CNTNAP2: variants seen among roughly 807,000 people sequenced by gnomAD.
CNTNAP2 encodes contactin associated protein 2, also known as contactin-associated protein-like 2.
Under a neutral mutation model 155.2 loss-of-function variants are expected in CNTNAP2, and 98 were observed. The observed-to-expected ratio is 0.63, with a 90% CI of 0.54 to 0.75. The LOEUF (loss-of-function observed/expected upper bound fraction) is 0.75. Ranked by LOEUF, CNTNAP2 falls within the 30% of genes least tolerant of loss-of-function variation. The pLI is 0.00. For missense variants in CNTNAP2, 1,727 were observed against 1,688.1 expected (o/e 1.02, Z -0.40); for synonymous variants, 651 against 631.2 (o/e 1.03, Z -0.47).
chr7:148,365,698 GTATACTTTTATATATA>G lies in CNTNAP2; in HGVS notation c.3476-17949_3476-17934del, dbSNP rs1554424936. ...TTGAGATGTATATATATGTATATAT[GTATACTTTTATATATA>G]TGTATACGTGTATATATGTATGTGT... On this transcript the variant is annotated intron_variant, in intron 21 of 23. Transcript: ENST00000361727. Among the ~76,000 whole-genome samples the G allele has an allele frequency of 9.7e-5, 12 of 123,738 alleles. 1 individual carries two copies. Among genetic ancestry groups the G allele is most frequent in the African/African-American group, 3.4e-4 (12 of 34,784 alleles). 81.2% of individuals were successfully genotyped at this position (123,738 alleles called of 152,430 possible).
intron 3 of CNTNAP2, among the ~76,000 whole-genome samples, chr7:146,964,380 T>C (rs1797615025): frequency 6.6e-6 from 1 of 152,186 alleles, no homozygotes; most frequent in Non-Finnish European, 1.5e-5. Flanking sequence ...AACTGATTTG[T>C]TTAAATTTAA....
chr7:148,266,708 T>C (rs1796676401), intron 20 of CNTNAP2, among the ~76,000 whole-genome samples: 1 of 152,188 alleles, frequency 6.6e-6, no homozygotes, highest in Admixed American at 6.5e-5. Flanking sequence ...AGGCTGACAC[T>C]GGAGATTGGA....
intron 1 of CNTNAP2, among the ~76,000 whole-genome samples, chr7:146,540,638 G>A (rs1311600334): frequency 6.6e-6 from 1 of 151,994 alleles, no homozygotes; most frequent in Non-Finnish European, 1.5e-5. Context: ...AAGAGAGGAA[G>A]TGATTAAAAT....
chr7:148,150,890 A>G (rs1392665374), intron 17 of CNTNAP2, among the ~76,000 whole-genome samples: 5 of 151,812 alleles, frequency 3.3e-5, no homozygotes, highest in Non-Finnish European at 7.4e-5. Context: ...CTATAGGCTC[A>G]TGCCACCATG....
At position 146,721,889 on chromosome 7, in the gene CNTNAP2, A is replaced by ATATATTTTTTTT; in HGVS notation, c.98-52381_98-52380insATATTTTTTTTT. ...TGTGTGTGTGTGTATATATATATAT[A>ATATATTTTTTTT]TTTTTTTTTTTTTTTTTGAGATGGA... On this transcript the variant is annotated intron_variant, in intron 1 of 23. Coordinates refer to ENST00000361727, the MANE Select transcript of CNTNAP2 (RefSeq NM_014141.6). Among the ~76,000 whole-genome samples the ATATATTTTTTTT allele has an allele frequency of 4.3e-5, 3 of 69,736 alleles. No homozygotes were observed. In the African/African-American group the frequency reaches 5.7e-4, roughly 13 times the overall value. 45.7% of individuals were successfully genotyped at this position (69,736 alleles called of 152,430 possible).
chr7:146,261,091 C>T (rs984141347), intron 1 of CNTNAP2, among the ~76,000 whole-genome samples: 2 of 152,114 alleles, frequency 1.3e-5, no homozygotes, highest in East Asian at 1.9e-4. Context: ...CACTCTTTCT[C>T]CTGCCACCAT....
rs1348404627 is a variant in CNTNAP2, at chr7:148,353,530, A to G, written c.3476-30119A>G. ...CTGATTGGATTTTAAGCACAATGCTATCTTGGTCTACACATTTTCTTATAC... is the reference window on the plus strand; with the variant it reads ...CTGATTGGATTTTAAGCACAATGCTGTCTTGGTCTACACATTTTCTTATAC... On this transcript the variant is annotated intron_variant, in intron 21 of 23. Transcript: ENST00000361727. Among the ~76,000 whole-genome samples the G allele has an allele frequency of 2.0e-5, 3 of 152,206 alleles. No individual in the cohort carries two copies. The East Asian group carries it at 5.8e-4, about 29-fold the overall frequency.
chr7:146,164,313 A>T (rs971096423), intron 1 of CNTNAP2, among the ~76,000 whole-genome samples: 2 of 152,202 alleles, frequency 1.3e-5, no homozygotes, highest in Non-Finnish European at 2.9e-5. Context: ...TGTATCACTC[A>T]TCTACTTACT....
In CNTNAP2 at chr7:148,072,810, C is replaced by T. The variant is rs537025560; in HGVS notation, c.2384-45308C>T. Reference sequence around the variant, plus strand: ...GCAACCTCCACCTCCCAGGTTCAAGCGATTCTCCTGCCTCAGCCTCCCCAG... The same window carrying T: ...GCAACCTCCACCTCCCAGGTTCAAGTGATTCTCCTGCCTCAGCCTCCCCAG... On this transcript the variant is annotated intron_variant, in intron 15 of 23. Coordinates refer to ENST00000361727, the MANE Select transcript of CNTNAP2 (RefSeq NM_014141.6). Among the ~76,000 whole-genome samples the T allele has an allele frequency of 1.9e-4, 29 of 152,282 alleles. No individual in the cohort carries two copies. The South Asian group carries it at 4.6e-3, about 24-fold the overall frequency.
chr7:147,758,036 A>C (rs75279781), intron 13 of CNTNAP2, among the ~76,000 whole-genome samples: 2,172 of 152,292 alleles, frequency 0.014, 37 homozygotes, highest in South Asian at 0.019. Context: ...AAAATAGGGA[A>C]TTTATTTACA....
chr7:147,825,316 G>C (rs1798429092), intron 13 of CNTNAP2, among the ~76,000 whole-genome samples: 1 of 152,146 alleles, frequency 6.6e-6, no homozygotes, highest in African/African-American at 2.4e-5. Flanking sequence ...GTTGTTAATG[G>C]AGTATTGACC....
intron 1 of CNTNAP2, among the ~76,000 whole-genome samples, chr7:146,181,418 A>G (rs1336721314): frequency 6.6e-6 from 1 of 152,168 alleles, no homozygotes; most frequent in Non-Finnish European, 1.5e-5. Flanking sequence ...ATAAATTTTT[A>G]TTATTATTTC....
intron 3 of CNTNAP2, among the ~76,000 whole-genome samples, chr7:146,845,203 G>A (rs566304153): frequency 8.5e-5 from 13 of 152,246 alleles, no homozygotes; most frequent in African/African-American, 2.9e-4. Context: ...GCTGGACCAC[G>A]TATTCCCTAC....
chr7:147,002,099 TAAC>T (rs1362061162), intron 3 of CNTNAP2, among the ~76,000 whole-genome samples: 5 of 151,898 alleles, frequency 3.3e-5, no homozygotes, highest in African/African-American at 7.2e-5. Flanking sequence ...TAAAGTGTGA[TAAC>T]AAATATTAAA....
chr7:147,774,173 T>G (rs1797521677), intron 13 of CNTNAP2, among the ~76,000 whole-genome samples: 1 of 152,176 alleles, frequency 6.6e-6, no homozygotes, highest in Non-Finnish European at 1.5e-5. Context: ...TGGCAGGGTA[T>G]AGATTTTACT....
intron 1 of CNTNAP2, among the ~76,000 whole-genome samples, chr7:146,634,267 A>G (rs1799561794): frequency 6.6e-6 from 1 of 152,222 alleles, no homozygotes; most frequent in Non-Finnish European, 1.5e-5. Context: ...TCTGAAAACC[A>G]TACTTCCCTG....
chr7:148,149,014 G>T (rs983241163), intron 17 of CNTNAP2, among the ~76,000 whole-genome samples: 4 of 151,318 alleles, frequency 2.6e-5, no homozygotes, highest in African/African-American at 9.7e-5. Flanking sequence ...GCACAGTGAA[G>T]AAATTTCACT....
chr7:147,838,645 G>A (rs117503291), intron 13 of CNTNAP2, among the ~76,000 whole-genome samples: 2,727 of 152,256 alleles, frequency 0.018, 86 homozygotes, highest in East Asian at 0.14. Flanking sequence ...CTTTGCTCCA[G>A]TTCCCAACAA....
intron 3 of CNTNAP2, among the ~76,000 whole-genome samples, chr7:146,971,162 C>G (rs545477613): frequency 6.6e-6 from 1 of 151,808 alleles, no homozygotes; most frequent in Non-Finnish European, 1.5e-5. Context: ...ACATATGTAA[C>G]TAACCTGCAC....
Sources: allele counts gnomAD v4.1 joint callset (sites outside exome capture counted in the v4.1 genomes callset), GRCh38; gene constraint gnomAD v4.1.1; transcripts MANE v1.5; gene names NCBI Gene and HGNC (gene_info 2026-07-23, HGNC 2026-07-21).